Variants in NIN observed in about 807,000 individuals in gnomAD.
The protein encoded by NIN is ninein.
Under a neutral mutation model 257.6 loss-of-function variants are expected in NIN, and 137 were observed. The observed-to-expected ratio is 0.53, with a 90% confidence interval of 0.46 to 0.61. NIN has a LOEUF of 0.61. Ranked by LOEUF, NIN falls within the 20% of genes least tolerant of loss-of-function variation. The pLI is 0.00. For synonymous variants in NIN, 918 were observed against 919.8 expected (o/e 1.00, Z 0.04); for missense variants, 2,439 against 2,501.2 (o/e 0.98, Z 0.53).
chr14:50,775,189 G>T (rs960430706), intron 7 of NIN, among the ~76,000 whole-genome samples: 2 of 152,098 alleles, frequency 1.3e-5, no homozygotes, highest in Non-Finnish European at 2.9e-5. Context: ...TGGAGTTTTA[G>T]AAAAATCTCC....
At chr14:50,799,336 C>T (rs1316949942) in intron 4 of NIN, among the ~76,000 whole-genome samples, 4 of 152,212 alleles carry the variant, frequency 2.6e-5, no homozygotes, top group African/African-American at 9.6e-5. Context: ...CACTCTGGTC[C>T]TTCCACCGGG....
intron 29 of NIN, chr14:50,727,572 AAG>A (rs942116884): frequency 7.4e-7 from 1 of 1,346,100 alleles, no homozygotes; most frequent in Non-Finnish European, 9.8e-7. Flanking sequence ...AATAATTTAA[AAG>A]AGCACTTAAT....
In NIN at chr14:50,778,831, T is replaced by C. The variant is rs780036888; in HGVS notation, c.436-27A>G. On this transcript the variant is annotated intron_variant, in intron 5 of 30. Transcript: ENST00000530997. ...TAGAGAAGGCAAGAGAAGATTAGTG[T>C]GCTTTAGAACTTATTCAGAAAGAAC... is the stretch of plus-strand genomic sequence containing the variant. 5.6e-6 allele frequency: 9 copies of C among 1,612,946 alleles called. No homozygotes were observed. The South Asian group carries it at 9.9e-5, about 18-fold the overall frequency.
chr14:50,746,306 G>T (rs1185231872), intron 22 of NIN, among the ~76,000 whole-genome samples: 2 of 152,152 alleles, frequency 1.3e-5, no homozygotes, highest in African/African-American at 4.8e-5. Context: ...CTACAGAAAG[G>T]CCCCATGAGT....
At chr14:50,830,722 G>A in intron 1 of NIN, 1 of 24,286 alleles carries the variant, frequency 4.1e-5, no homozygotes, top group African/African-American at 8.9e-5. Flanking sequence ...CCCCGCCCCC[G>A]CCGGCCCGCC....
chr14:50,749,883 G>A (rs2041715858), intron 21 of NIN, among the ~76,000 whole-genome samples: 1 of 151,952 alleles, frequency 6.6e-6, no homozygotes, highest in Non-Finnish European at 1.5e-5. Flanking sequence ...TGTAGAGATG[G>A]GGTTTCACCA....
intron 3 of NIN, among the ~76,000 whole-genome samples, chr14:50,821,234 G>A (rs2045203844): frequency 6.6e-6 from 1 of 152,126 alleles, no homozygotes; most frequent in African/African-American, 2.4e-5. Flanking sequence ...TCCACCATTG[G>A]CAAGAGGAAA....
chr14:50,762,030 T>A, intron 15 of NIN, 119 bp from the exon 16 acceptor site: 1 of 1,048,962 alleles, frequency 9.5e-7, no homozygotes, highest in South Asian at 1.5e-5. Flanking sequence ...TTACCAGAGA[T>A]GTGAACTAAT....
intron 29 of NIN, among the ~76,000 whole-genome samples, chr14:50,728,278 T>A (rs767051920): frequency 6.6e-6 from 1 of 152,144 alleles, no homozygotes; most frequent in Non-Finnish European, 1.5e-5. Flanking sequence ...AGTTAAAGCA[T>A]CTAACACTCT....
intron 5 of NIN, among the ~76,000 whole-genome samples, chr14:50,790,600 G>A (rs899515298): frequency 6.6e-6 from 1 of 152,182 alleles, no homozygotes; most frequent in East Asian, 1.9e-4. Flanking sequence ...GAAATCCAGA[G>A]AAATGACCCT....
At chr14:50,730,990 A>G in intron 28 of NIN, 4 of 1,311,606 alleles carry the variant, frequency 3.0e-6, no homozygotes, top group Non-Finnish European at 3.0e-6. Context: ...AGTTCTAGGT[A>G]CAGGTTAGCC....
At chr14:50,782,098 TATTAA>T (rs1297692693) in intron 5 of NIN, among the ~76,000 whole-genome samples, 1 of 152,148 alleles carries the variant, frequency 6.6e-6, no homozygotes, top group Admixed American at 6.5e-5. Flanking sequence ...ATTTTGTTCC[TATTAA>T]ATTAGCAAAG....
At position 50,759,618 on chromosome 14, in the gene NIN, A is replaced by G. The variant is rs7155230; in HGVS notation, c.2399+239T>C. 1 allele frequency among the ~76,000 whole-genome samples: 151,027 copies of G among 151,278 alleles called. 75,388 individuals carry two copies. Among genetic ancestry groups the G allele is most frequent in the Middle Eastern group, 1 (286 of 286 alleles). ...ACGCCATTCTCCTGCCTCAGCCTCC[A>G]GAGTAGCTGGGACTACAGGCGCCCG... On this transcript the variant is annotated intron_variant, in intron 17 of 30. Transcript: ENST00000530997.
rs2140716972 is a variant in NIN at position 50,752,511 on chromosome 14, G to A, written c.4950+7C>T. ...AAAAAAAGCTGTCAGGTGGCTACAG[G>A]CCATACCTGCACTTTACAACGTTCC... On this transcript the variant is annotated splice_region_variant and intron_variant, in intron 21 of 30. Transcript: ENST00000530997. 6.2e-7 allele frequency: 1 copy of A among 1,607,334 alleles called. No homozygotes were observed. Among genetic ancestry groups the A allele is most frequent in the South Asian group, 1.1e-5 (1 of 90,044 alleles).
At chr14:50,727,535 G>GT in intron 29 of NIN, 1 of 1,245,918 alleles carries the variant, frequency 8.0e-7, no homozygotes, top group Non-Finnish European at 1.0e-6. Flanking sequence ...ACATAATACT[G>GT]CAAAGGTTTA....
intron 29 of NIN, among the ~76,000 whole-genome samples, 179 bp downstream of exon 29, chr14:50,729,344 A>C: frequency 6.6e-6 from 1 of 151,704 alleles, no homozygotes; most frequent in African/African-American, 2.4e-5. Context: ...ATCGTAGCTC[A>C]CTGCAGCCTT....
Position 50,792,956 on chromosome 14 carries a change from A to T in NIN, c.266-75T>A, listed in dbSNP as rs892409291. 3.2e-5 allele frequency: 48 copies of T among 1,487,866 alleles called. 1 individual carries two copies. Among genetic ancestry groups the T allele is most frequent in the East Asian group, 2.3e-4 (10 of 43,824 alleles). 92.2% of individuals were successfully genotyped at this position (1,487,866 alleles called of 1,614,324 possible). On this transcript the variant is annotated intron_variant, in intron 4 of 30. Transcript: ENST00000530997. ...CTTAGCTGCCACTCACAGCCATCGGACACAGCCTCTTATACCAACCTCAAA... is the reference window on the plus strand; with the variant it reads ...CTTAGCTGCCACTCACAGCCATCGGTCACAGCCTCTTATACCAACCTCAAA...
At chr14:50,822,522 A>G (rs1276267769) in intron 2 of NIN, among the ~76,000 whole-genome samples, 1 of 152,210 alleles carries the variant, frequency 6.6e-6, no homozygotes, top group East Asian at 1.9e-4. Context: ...AGCAGACTGC[A>G]TGGTCAGAGC....
intron 7 of NIN, among the ~76,000 whole-genome samples, chr14:50,776,743 C>T (rs2042938301): frequency 1.3e-5 from 2 of 152,208 alleles, no homozygotes; most frequent in South Asian, 4.1e-4. Flanking sequence ...CTTACAATAG[C>T]TGGGTAAGTG....
Sources: gnomAD v4.1 joint callset for allele counts (sites outside exome capture counted in the v4.1 genomes callset) on GRCh38, gnomAD v4.1.1 for gene constraint, MANE v1.5 for transcripts, NCBI Gene and HGNC (gene_info 2026-07-23, HGNC 2026-07-21) for gene names.